The following RPL3L variants were observed in gnomAD, a reference collection of about 807,000 sequenced individuals.
The protein encoded by RPL3L is ribosomal protein L3 like, also known as ribosomal protein uL3-like.
In RPL3L, 44 loss-of-function variants were observed where a neutral mutation model predicts 44.5. The observed-to-expected ratio is 0.99, with a 90% CI of 0.78 to 1.27. The LOEUF (loss-of-function observed/expected upper bound fraction) is 1.27. RPL3L is among the 50% of genes most tolerant of loss of function. The probability of loss-of-function intolerance (pLI) is 0.00; values close to 1 mark genes in which losing one functional copy is unlikely to be tolerated. For missense variants in RPL3L, 631 were observed against 569.1 expected (o/e 1.11, Z -1.11); for synonymous variants, 292 against 230.7 (o/e 1.27, Z -2.41).
In RPL3L at chr16:1,945,311, C is replaced by G. The variant is rs905835041; in HGVS notation, c.1167+188G>C. 2.1e-5 allele frequency among the ~76,000 whole-genome samples: 3 copies of G among 145,566 alleles called. No individual in the cohort carries two copies. In the Admixed American group the frequency reaches 2.1e-4, roughly 10 times the overall value. On this transcript the variant is annotated intron_variant, in intron 9 of 9. Transcript: ENST00000268661. ...TGGAGGTGGCAGTGAGCCAAGATCA[C>G]GGCACAGCACTCCAGCCTGGGTGAC...
At chr16:1,951,196 C>G (rs151021067) in intron 3 of RPL3L, among the ~76,000 whole-genome samples, 10 of 152,286 alleles carry the variant, frequency 6.6e-5, no homozygotes, top group African/African-American at 2.4e-4. Context: ...AAGTAGGTAC[C>G]CTCCCTGTTT....
chr16:1,949,297 G>A (rs1221396706), intron 4 of RPL3L, among the ~76,000 whole-genome samples: 62 of 110,184 alleles, frequency 5.6e-4, no homozygotes, highest in African/African-American at 2.0e-3. Context: ...TCTATCGCCC[G>A]GGCTGGAGTG....
rs1277308150 is a variant in RPL3L at position 1,944,856 on chromosome 16, T to C, written c.1205A>G (p.Glu402Gly). The C allele has an allele frequency of 1.9e-6, 3 of 1,614,098 alleles. No homozygotes were observed. The highest frequency in any genetic ancestry group is 2.5e-6 in the Non-Finnish European group (3 of 1,180,030). ...QKKHLEKETP[E>G]TSGDL Reference sequence around the variant, plus strand: ...CACAGCCTACAAGTCTCCCGAGGTCTCCGGCGTTTCCTTCTCCAGATGCTT... The same window carrying C: ...CACAGCCTACAAGTCTCCCGAGGTCCCCGGCGTTTCCTTCTCCAGATGCTT... Residue 402 changes from glutamate to glycine, a missense_variant, in exon 10 of 10, where the codon GAG becomes GGG. Glu to Gly is a moderately conservative substitution (Grantham distance 98). Coordinates refer to ENST00000268661, the MANE Select transcript of RPL3L (RefSeq NM_005061.3).
intron 4 of RPL3L, among the ~76,000 whole-genome samples, chr16:1,949,859 T>C (rs374826505): frequency 0.016 from 36 of 2,294 alleles, 1 homozygote; most frequent in South Asian, 0.038. Flanking sequence ...ATGGACGGGG[T>C]AGGTATGTAG....
intron 3 of RPL3L, among the ~76,000 whole-genome samples, chr16:1,952,622 C>G (rs28522806): frequency 1.3e-5 from 2 of 152,000 alleles, no homozygotes; most frequent in Non-Finnish European, 1.5e-5. Context: ...GTGATCCACC[C>G]GCCTCGGCCT....
intron 3 of RPL3L, 108 bp from the exon 4 acceptor site, chr16:1,951,087 G>A: frequency 2.1e-6 from 3 of 1,445,066 alleles, no homozygotes; most frequent in Non-Finnish European, 2.8e-6. Flanking sequence ...TCCTACCTCT[G>A]GGACCGCCCC....
Position 1,944,659 on chromosome 16 carries a change from T to TA in RPL3L, c.*177_*178insT. 1.4e-6 allele frequency: 1 copy of TA among 694,670 alleles called. No homozygotes were observed. Among genetic ancestry groups the TA allele is most frequent in the East Asian group, 2.5e-5 (1 of 39,686 alleles). 43.0% of individuals were successfully genotyped at this position (694,670 alleles called of 1,614,324 possible). ...CAGCCAGCTCTGTGTGAATTACTCTTTCTCTATTGCAATTCCCCTGTCTTA... is the reference window on the plus strand; with the variant it reads ...CAGCCAGCTCTGTGTGAATTACTCTTATCTCTATTGCAATTCCCCTGTCTTA... On this transcript the variant is annotated 3_prime_UTR_variant, in exon 10 of 10. Transcript: ENST00000268661.
intron 4 of RPL3L, 139 bp from the exon 5 acceptor site, chr16:1,947,519 C>T (rs983781569): frequency 5.5e-6 from 6 of 1,081,440 alleles, no homozygotes; most frequent in Middle Eastern, 2.1e-4. Context: ...GGTTGCAACC[C>T]ATGTGTTGTG....
rs537550093 is a variant in RPL3L, at chr16:1,945,931, C to T, written c.952-1G>A. 3.1e-6 allele frequency: 5 copies of T among 1,608,406 alleles called. No individual in the cohort carries two copies. Among genetic ancestry groups the T allele is most frequent in the African/African-American group, 2.7e-5 (2 of 75,050 alleles). Reference sequence around the variant, plus strand: ...CTTCCCCGTAGTGGGGGAAGCCACCCTGCAGAGGACACAGGTCAGAGGCCA... The same window carrying T: ...CTTCCCCGTAGTGGGGGAAGCCACCTTGCAGAGGACACAGGTCAGAGGCCA... On this transcript the variant is annotated splice_acceptor_variant, in intron 7 of 9. Coordinates refer to ENST00000268661, the MANE Select transcript of RPL3L (RefSeq NM_005061.3). LOFTEE classifies it high-confidence loss of function.
At position 1,946,998 on chromosome 16, in the gene RPL3L, G is replaced by C. The variant is rs755077366; in HGVS notation, c.789C>G (p.Gly263=). 61 of 1,611,660 alleles carry C rather than the reference G, an allele frequency of 3.8e-5. No homozygotes were observed. Among genetic ancestry groups the C allele is most frequent in the Middle Eastern group, 3.5e-4 (2 of 5,640 alleles). ...CIGAWHPARV[G]CSIARAGQKG... The stretch of plus-strand genomic sequence containing the variant: ...TCTGCCCGGCCCGAGCAATGGAGCA[G>C]CCCACGCGGGCGGGGTGCCAGGCGC... Residue 263 remains glycine (G), a synonymous_variant, in exon 6 of 10, where the codon GGC becomes GGG. Coordinates refer to ENST00000268661, the MANE Select transcript of RPL3L (RefSeq NM_005061.3).
In RPL3L at chr16:1,954,152, G is replaced by C. The variant is rs1313512991; in HGVS notation, c.4-4C>G. The C allele has an allele frequency of 7.6e-6, 12 of 1,570,544 alleles. No individual in the cohort carries two copies. Among genetic ancestry groups the C allele is most frequent in the East Asian group, 6.9e-5 (3 of 43,656 alleles). On this transcript the variant is annotated splice_region_variant and splice_polypyrimidine_tract_variant and intron_variant, in intron 1 of 9. Coordinates refer to ENST00000268661, the MANE Select transcript of RPL3L (RefSeq NM_005061.3). Reference sequence around the variant, plus strand: ...GGGCGGAAAACTTCCGGTGGGACTGGGGGGCAGGAAGGAAGGAGGTCAGAC... The same window carrying C: ...GGGCGGAAAACTTCCGGTGGGACTGCGGGGCAGGAAGGAAGGAGGTCAGAC...
intron 4 of RPL3L, among the ~76,000 whole-genome samples, chr16:1,947,997 GCA>G (rs1242376117): frequency 1.8e-4 from 27 of 149,828 alleles, no homozygotes; most frequent in Middle Eastern, 3.4e-3. Flanking sequence ...GAGTGCAATG[GCA>G]TGATCTCGGC....
Position 1,952,899 on chromosome 16 carries a change from A to T in RPL3L, c.340T>A (p.Cys114Ser), listed in dbSNP as rs1484885469. The change falls in exon 3 of 10, where the codon TGC becomes AGC. Residue 114 changes from cysteine (C) to serine (S), a missense_variant. By Grantham distance (112) the Cys-to-Ser change is moderately radical. Coordinates refer to ENST00000268661, the MANE Select transcript of RPL3L (RefSeq NM_005061.3). ...CAGTCCTTGTAGAATCGGCGCCGGC[A>T]CTCATCACTGAGGTGTTCTGCAAAG... ...TIFAEHLSDECRRRFYKDWHK... is the reference protein window; with the variant it reads ...TIFAEHLSDESRRRFYKDWHK... 1 of 1,613,840 alleles carries T rather than the reference A, an allele frequency of 6.2e-7. No homozygotes were observed.
chr16:1,953,125 G>A (rs1483581136), intron 2 of RPL3L, 83 bp from the exon 3 acceptor site: 3 of 1,447,512 alleles, frequency 2.1e-6, no homozygotes, highest in African/African-American at 1.4e-5. Context: ...CCACATAGGG[G>A]CAGGACAGGA....
At chr16:1,950,794 A>T in intron 4 of RPL3L, 50 bp downstream of exon 4, 1 of 1,612,154 alleles carries the variant, frequency 6.2e-7, no homozygotes, top group Non-Finnish European at 8.5e-7. Flanking sequence ...AGCTGGGGTG[A>T]GGGAGCGTGG....
At position 1,946,921 on chromosome 16, in the gene RPL3L, C is replaced by T. The variant is rs1247766472; in HGVS notation, c.849+17G>A. On this transcript the variant is annotated intron_variant, in intron 6 of 9. Transcript: ENST00000268661. ...GTCCGACCACACAGTGTCCCCGTAC[C>T]CCGGCTGAGGACGCACCTTCTTGTT... 14 of 1,590,678 alleles carry T rather than the reference C, an allele frequency of 8.8e-6. No homozygotes were observed. Among genetic ancestry groups the T allele is most frequent in the African/African-American group, 1.3e-5 (1 of 74,324 alleles).
chr16:1,952,808 G>C, intron 3 of RPL3L, 66 bp downstream of exon 3: 2 of 1,578,966 alleles, frequency 1.3e-6, no homozygotes, highest in Non-Finnish European at 1.7e-6. Context: ...AAGAGCTAGA[G>C]CCTCAGGCAC....
chr16:1,954,292 G>T (rs1439604834), intron 1 of RPL3L, 144 bp from the exon 2 acceptor site: 5 of 966,830 alleles, frequency 5.2e-6, no homozygotes, highest in Non-Finnish European at 7.4e-6. Context: ...GCCTACAGGA[G>T]GGGAGAGGAA....
intron 9 of RPL3L, 28 bp from the exon 10 acceptor site, chr16:1,944,921 C>T: frequency 6.3e-7 from 1 of 1,577,958 alleles, no homozygotes; most frequent in East Asian, 2.3e-5. Context: ...GCAGGAGGAG[C>T]CTTAGTCACT....
Sources: allele counts gnomAD v4.1 joint callset (sites outside exome capture counted in the v4.1 genomes callset), GRCh38; gene constraint gnomAD v4.1.1; transcripts MANE v1.5; gene names NCBI Gene and HGNC (gene_info 2026-07-23, HGNC 2026-07-21).